The following LY6S variants were observed in gnomAD, a reference collection of about 807,000 sequenced individuals.
The protein encoded by LY6S is lymphocyte antigen 6S.
the LY6S span, among the ~76,000 whole-genome samples, chr8:143,050,377 C>T: frequency 6.6e-6 from 1 of 151,952 alleles, no homozygotes; most frequent in South Asian, 2.1e-4. Context: ...CGCGGGGTTT[C>T]ACCATGCTGG....
At chr8:143,061,501 T>G in the LY6S span, among the ~76,000 whole-genome samples, 2,192 of 148,978 alleles carry the variant, frequency 0.015, 47 homozygotes, top group African/African-American at 0.052. Context: ...GGTTTGTTTG[T>G]TTGGTTGGTT....
chr8:143,065,671 G>A, the LY6S span, among the ~76,000 whole-genome samples: 449 of 152,116 alleles, frequency 3.0e-3, 3 homozygotes, highest in Middle Eastern at 6.8e-3. Context: ...TACTGGAGCC[G>A]GAAGACTTAA....
chr8:143,071,720 A>G, the LY6S span, among the ~76,000 whole-genome samples: 1 of 152,118 alleles, frequency 6.6e-6, no homozygotes, highest in African/African-American at 2.4e-5. Context: ...TCTACAGCAA[A>G]CAGCATCCCC....
the LY6S span, among the ~76,000 whole-genome samples, chr8:143,060,777 A>T: frequency 3.9e-5 from 6 of 152,168 alleles, no homozygotes; most frequent in Non-Finnish European, 7.3e-5. Flanking sequence ...ACACGAGGAG[A>T]AAAACCCACA....
chr8:143,070,484 TA>T, the LY6S span, among the ~76,000 whole-genome samples: 7 of 103,958 alleles, frequency 6.7e-5, no homozygotes, highest in East Asian at 6.0e-4. Context: ...TAAATATATA[TA>T]TATATTTTTT....
chr8:143,046,225 G>T, the LY6S span, among the ~76,000 whole-genome samples: 1,853 of 152,262 alleles, frequency 0.012, 30 homozygotes, highest in East Asian at 0.069. Context: ...ATCACTTTGG[G>T]AGGCCAAGGC....
chr8:143,057,931 T>C, the LY6S span: 4 of 574,488 alleles, frequency 7.0e-6, no homozygotes, highest in Admixed American at 5.6e-5. Context: ...ACGGTGCGGG[T>C]GGTCTCAGCG....
chr8:143,075,532 C>T, the LY6S span, among the ~76,000 whole-genome samples: 1 of 152,000 alleles, frequency 6.6e-6, no homozygotes, highest in Non-Finnish European at 1.5e-5. This position sits in a 1 kb window ranked among gnomAD's most constrained non-coding sequence, Gnocchi z 4.1. Flanking sequence ...GATGAAACCC[C>T]ATCTCTACTA....
the LY6S span, among the ~76,000 whole-genome samples, chr8:143,067,304 G>C: frequency 6.6e-6 from 1 of 152,350 alleles, no homozygotes; most frequent in South Asian, 2.1e-4. Context: ...CCCCAACCCT[G>C]TGCTCACAGA....
the LY6S span, chr8:143,057,153 G>A: frequency 7.2e-5 from 26 of 360,402 alleles, no homozygotes; most frequent in Non-Finnish European, 1.2e-4. Context: ...TTTCTGTTCC[G>A]GAGAATGTTT....
chr8:143,055,190 T>A, the LY6S span, among the ~76,000 whole-genome samples: 2 of 152,124 alleles, frequency 1.3e-5, no homozygotes, highest in African/African-American at 4.8e-5. Context: ...TAGACCAACT[T>A]TGTTTTTTTT....
the LY6S span, chr8:143,049,287 C>T: frequency 3.7e-6 from 2 of 534,706 alleles, no homozygotes; most frequent in South Asian, 1.4e-5. Context: ...AATTGGAACA[C>T]CTTTCGGCTA....
chr8:143,057,910 G>T, the LY6S span: 2 of 599,386 alleles, frequency 3.3e-6, no homozygotes, highest in Non-Finnish European at 6.1e-6. Context: ...GCAACCAGAG[G>T]GATGCGGCCC....
chr8:143,070,475 A>AATATATATATATATAATATATATAT, the LY6S span, among the ~76,000 whole-genome samples: 3 of 44,538 alleles, frequency 6.7e-5, no homozygotes, highest in Non-Finnish European at 1.2e-4. Flanking sequence ...ATATATATAT[A>AATATATATATATATAATATATATAT]AATATATATA....
At chr8:143,056,099 C>T in the LY6S span, among the ~76,000 whole-genome samples, 3 of 151,086 alleles carry the variant, frequency 2.0e-5, no homozygotes, top group African/African-American at 7.3e-5. Flanking sequence ...AGTGAGCCTA[C>T]TTTATTTACA....
At chr8:143,067,917 G>C in the LY6S span, among the ~76,000 whole-genome samples, 32 of 152,140 alleles carry the variant, frequency 2.1e-4, no homozygotes, top group Admixed American at 4.6e-4. Context: ...TAGAACTAAC[G>C]GTCAGCTTTA....
At chr8:143,044,900 C>T in the LY6S span, 2 of 1,165,768 alleles carry the variant, frequency 1.7e-6, no homozygotes, top group Admixed American at 2.9e-5. Flanking sequence ...ACTCTCACCA[C>T]CACCCTTGTC....
chr8:143,074,403 T>C, the LY6S span, among the ~76,000 whole-genome samples: 1 of 152,198 alleles, frequency 6.6e-6, no homozygotes, highest in Non-Finnish European at 1.5e-5. Flanking sequence ...ATAATTTCTA[T>C]GGACCTGTCT....
the LY6S span, among the ~76,000 whole-genome samples, chr8:143,069,950 G>A: frequency 6.6e-6 from 1 of 152,210 alleles, no homozygotes; most frequent in African/African-American, 2.4e-5. Flanking sequence ...AGGCATTAGG[G>A]TCCGGCAGTG....
Sources: gnomAD v4.1 joint callset for allele counts (sites outside exome capture counted in the v4.1 genomes callset) on GRCh38, gnomAD v4.1.1 for gene constraint, Gnocchi (gnomAD v3.1) non-coding constraint, MANE v1.5 for transcripts, NCBI Gene and HGNC (gene_info 2026-07-23, HGNC 2026-07-21) for gene names.